Variants in SDCCAG8 observed in about 807,000 individuals in gnomAD.
SDCCAG8 encodes the protein serologically defined colon cancer antigen 8.
SDCCAG8 carries 74 observed loss-of-function variants against 101.8 expected under a neutral mutation model. That is an observed-to-expected ratio of 0.73 (90% confidence interval 0.60 to 0.88). The LOEUF (loss-of-function observed/expected upper bound fraction) is 0.88. SDCCAG8 is among the 40% of genes least tolerant of loss of function. SDCCAG8 has a pLI of 0.00. For missense variants in SDCCAG8, 787 were observed against 822.6 expected (o/e 0.96, Z 0.53); for synonymous variants, 281 against 292.9 (o/e 0.96, Z 0.41).
chr1:243,409,851 GAAAGAATAATGGAGTAAA>G (rs2080047303), intron 13 of SDCCAG8, among the ~76,000 whole-genome samples: 1 of 152,100 alleles, frequency 6.6e-6, no homozygotes, highest in Non-Finnish European at 1.5e-5. Context: ...AAAAAATAGA[GAAAGAATAATGGAGTAAA>G]AAAGTCATTT....
At position 243,417,976 on chromosome 1, in the gene SDCCAG8, C is replaced by T; in HGVS notation, c.1753C>T (p.Gln585Ter). The change falls in exon 15 of 18, where the codon CAG becomes TAG. Residue 585 changes from glutamine to a stop codon, truncating the protein, a stop_gained. Transcript: ENST00000366541. LOFTEE classifies it high-confidence loss of function. Reference sequence around the variant, plus strand: ...TTTATTGTTATTTCTAGAAAATGAACAGTATTTGTTGCTGACCTCCCAGAA... The same window carrying T: ...TTTATTGTTATTTCTAGAAAATGAATAGTATTTGTTGCTGACCTCCCAGAA... ...EAQHDKTENEQYLLLTSQNTF... is the reference protein window; with the variant it reads ...EAQHDKTENE 1 of 1,606,382 alleles carries T rather than the reference C, an allele frequency of 6.2e-7. No homozygotes were observed. Among genetic ancestry groups the T allele is most frequent in the Non-Finnish European group, 8.5e-7 (1 of 1,173,320 alleles).
intron 6 of SDCCAG8, among the ~76,000 whole-genome samples, chr1:243,301,865 A>G (rs898385872): frequency 1.3e-5 from 2 of 152,204 alleles, no homozygotes; most frequent in African/African-American, 4.8e-5. Context: ...TTAGGAAGAG[A>G]TTTGGTCTTA....
rs747774826 is a variant in SDCCAG8 at position 243,274,640 on chromosome 1, A to T, written c.404A>T (p.Glu135Val). The T allele has an allele frequency of 3.5e-5, 56 of 1,594,396 alleles. No individual in the cohort carries two copies. The South Asian group carries it at 5.7e-4, about 16-fold the overall frequency. The change falls in exon 4 of 18, where the codon GAA becomes GTA. Residue 135 changes from glutamate (E) to valine (V), a missense_variant. Physicochemically the swap from Glu to Val is moderately radical, Grantham distance 121 (BLOSUM62 -2). Transcript: ENST00000366541. The part of the protein sequence containing the change: ...QSQYIHHLEA[E>V]VKFCKEELSG... ...CAATATATTCATCATTTAGAGGCAG[A>T]AGTTAAGTTCTGCAAGGTAAGTTTC...
At chr1:243,282,200 ACTT>A (rs1484109634) in intron 4 of SDCCAG8, among the ~76,000 whole-genome samples, 4 of 149,928 alleles carry the variant, frequency 2.7e-5, no homozygotes, top group Non-Finnish European at 1.5e-5. Context: ...GATCAATTGT[ACTT>A]CTTTTTTTTT....
intron 12 of SDCCAG8, among the ~76,000 whole-genome samples, chr1:243,371,820 A>C (rs1418579625): frequency 6.6e-6 from 1 of 152,126 alleles, no homozygotes; most frequent in African/African-American, 2.4e-5. Flanking sequence ...GATGATGAAA[A>C]TATTTTATAC....
chr1:243,411,076 C>T, intron 13 of SDCCAG8, among the ~76,000 whole-genome samples: 1 of 152,062 alleles, frequency 6.6e-6, no homozygotes. Flanking sequence ...TGTTCCTATT[C>T]TAGACCATTT....
At chr1:243,465,504 C>T (rs1343960428) in intron 16 of SDCCAG8, among the ~76,000 whole-genome samples, 1 of 152,184 alleles carries the variant, frequency 6.6e-6, no homozygotes, top group Admixed American at 6.5e-5. Context: ...AAGTTTAGTC[C>T]TGAAACTTAG....
At chr1:243,398,331 C>T (rs971150452) in intron 13 of SDCCAG8, among the ~76,000 whole-genome samples, 9 of 152,132 alleles carry the variant, frequency 5.9e-5, no homozygotes, top group Non-Finnish European at 1.2e-4. Flanking sequence ...TGTTGATTTA[C>T]TCCTGTGCTG....
At chr1:243,401,022 G>A (rs909548058) in intron 13 of SDCCAG8, among the ~76,000 whole-genome samples, 1 of 152,150 alleles carries the variant, frequency 6.6e-6, no homozygotes, top group Non-Finnish European at 1.5e-5. Flanking sequence ...CACTCATAAT[G>A]TGCTAATTTT....
rs371870163 is a variant in SDCCAG8 at position 243,334,622 on chromosome 1, C to T, written c.1221+3930C>T. Among the ~76,000 whole-genome samples the T allele has an allele frequency of 7.5e-4, 114 of 152,204 alleles. 1 individual carries two copies. In the South Asian group the frequency reaches 0.012, roughly 16 times the overall value. ...TTTGTTTGTATTTGAGACAGGGTCT[C>T]ACTCTGTCACCCAGGCTGGAGCTCA... On this transcript the variant is annotated intron_variant, in intron 10 of 17. Transcript: ENST00000366541.
At chr1:243,346,904 G>T (rs2075746209) in intron 12 of SDCCAG8, among the ~76,000 whole-genome samples, 1 of 152,142 alleles carries the variant, frequency 6.6e-6, no homozygotes, top group Non-Finnish European at 1.5e-5. Context: ...TTAAAAACAT[G>T]TATGAGGGTA....
intron 16 of SDCCAG8, among the ~76,000 whole-genome samples, chr1:243,464,027 ATGT>A (rs1390729762): frequency 6.6e-6 from 1 of 152,148 alleles, no homozygotes; most frequent in East Asian, 1.9e-4. Context: ...TGCTGTGCTC[ATGT>A]CCTCTTGACC....
intron 4 of SDCCAG8, among the ~76,000 whole-genome samples, chr1:243,278,800 T>G (rs2068786126): frequency 6.6e-6 from 1 of 152,104 alleles, no homozygotes; most frequent in Admixed American, 6.6e-5. Flanking sequence ...TTAATTTTCT[T>G]GAGGAAGGGT....
intron 6 of SDCCAG8, among the ~76,000 whole-genome samples, chr1:243,300,923 T>TA (rs2071433778): frequency 1.3e-5 from 2 of 152,224 alleles, no homozygotes; most frequent in East Asian, 3.9e-4. Flanking sequence ...TGTGGCAATT[T>TA]AAAAAAACTT....
chr1:243,473,957 T>C, intron 16 of SDCCAG8, among the ~76,000 whole-genome samples: 1 of 139,748 alleles, frequency 7.2e-6, no homozygotes, highest in African/African-American at 2.7e-5. Flanking sequence ...AGTACTTCTT[T>C]GAGTTCTCAA....
intron 13 of SDCCAG8, among the ~76,000 whole-genome samples, chr1:243,379,321 G>A (rs1345371186): frequency 6.6e-6 from 1 of 152,172 alleles, no homozygotes; most frequent in Non-Finnish European, 1.5e-5. Flanking sequence ...GCATCCTAAG[G>A]AGGTGTAAAA....
At chr1:243,478,958 A>G (rs1350882307) in intron 16 of SDCCAG8, among the ~76,000 whole-genome samples, 1 of 28,502 alleles carries the variant, frequency 3.5e-5, no homozygotes, top group African/African-American at 8.4e-5. Flanking sequence ...CTCTGTCTCA[A>G]AAAAAAAAAA....
intron 16 of SDCCAG8, among the ~76,000 whole-genome samples, chr1:243,435,142 C>T (rs1474033194): frequency 1.3e-5 from 2 of 152,220 alleles, no homozygotes; most frequent in Non-Finnish European, 1.5e-5. Context: ...AAGCTACCTT[C>T]AAGATCTAGT....
At chr1:243,358,655 G>A (rs1047577958) in intron 12 of SDCCAG8, among the ~76,000 whole-genome samples, 1 of 152,072 alleles carries the variant, frequency 6.6e-6, no homozygotes. Context: ...ACTTCTACAC[G>A]GATGTTCATA....
Sources: gnomAD v4.1 joint callset for allele counts (sites outside exome capture counted in the v4.1 genomes callset) on GRCh38, gnomAD v4.1.1 for gene constraint, MANE v1.5 for transcripts, NCBI Gene and HGNC (gene_info 2026-07-23, HGNC 2026-07-21) for gene names.